The following IL1RAPL1 variants were observed in gnomAD, a reference collection of about 807,000 sequenced individuals.
The protein encoded by IL1RAPL1 is interleukin 1 receptor accessory protein like 1, also known as interleukin-1 receptor accessory protein-like 1.
A neutral mutation model predicts 48.4 loss-of-function variants in IL1RAPL1; 3 were observed. The ratio of observed to expected loss-of-function variants is 0.06; its 90% CI spans 0.03 to 0.16. The LOEUF (loss-of-function observed/expected upper bound fraction) is 0.16, where lower values mean the gene tolerates loss of function less well. Ranked by LOEUF, IL1RAPL1 falls within the 10% of genes least tolerant of loss-of-function variation. IL1RAPL1 has a pLI of 1.00. For missense variants in IL1RAPL1, 349 were observed against 530.6 expected (o/e 0.66, Z 3.36); for synonymous variants, 185 against 187.7 (o/e 0.99, Z 0.12).
At chrX:28,780,100 G>A (rs1381331419) in intron 1 of IL1RAPL1, among the ~76,000 whole-genome samples, 1 of 110,848 alleles carries the variant, frequency 9.0e-6, no homozygotes, top group African/African-American at 3.3e-5. Flanking sequence ...CTTTCTAGAT[G>A]TTCACTGTAT....
intron 6 of IL1RAPL1, among the ~76,000 whole-genome samples, chrX:29,732,955 C>T (rs1371034945): frequency 9.0e-6 from 1 of 111,193 alleles, no homozygotes; most frequent in African/African-American, 3.3e-5. Flanking sequence ...TTTTTCTCCC[C>T]TTTACTTTAA....
chrX:29,277,501 A>G (rs1932138161), intron 2 of IL1RAPL1, among the ~76,000 whole-genome samples: 1 of 112,249 alleles, frequency 8.9e-6, no homozygotes, highest in African/African-American at 3.2e-5. Flanking sequence ...ATAGACACAT[A>G]CAAGGAAGAG....
intron 2 of IL1RAPL1, among the ~76,000 whole-genome samples, chrX:28,950,562 C>T (rs758642894): frequency 1.2e-4 from 12 of 98,231 alleles, no homozygotes; most frequent in Admixed American, 4.6e-4. Context: ...TTGATTCTTC[C>T]TACCCATGAG....
At chrX:29,893,732 C>T (rs1932319440) in intron 6 of IL1RAPL1, among the ~76,000 whole-genome samples, 1 of 111,301 alleles carries the variant, frequency 9.0e-6, no homozygotes, top group Admixed American at 9.6e-5. Flanking sequence ...ATTGGTTTTG[C>T]AATATTGAGG....
rs187740482 is a variant in IL1RAPL1, at chrX:29,006,441, A to G, written c.82+217016A>G. The stretch of plus-strand genomic sequence containing the variant: ...AGGCAGGAGAATCACCTGAACCTGT[A>G]AGAGAGAGGTTGCAGTGAGCTGAGA... On this transcript the variant is annotated intron_variant, in intron 2 of 10. Transcript: ENST00000378993. Among the ~76,000 whole-genome samples the G allele has an allele frequency of 3.7e-5, 4 of 108,076 alleles. No individual in the cohort carries two copies. The Admixed American group carries it at 4.0e-4, about 11-fold the overall frequency. The allele number at this position is 108,076 out of a possible 115,157, so 93.9% of individuals were successfully genotyped here. A position where few individuals can be genotyped will look rare whatever the true frequency, so the allele number is the denominator to read the frequency against.
Position 29,400,596 on chromosome X carries a change from T to G in IL1RAPL1, c.703+1288T>G, listed in dbSNP as rs1933981417. 2.7e-5 allele frequency among the ~76,000 whole-genome samples: 3 copies of G among 112,129 alleles called. No homozygotes were observed. The South Asian group carries it at 1.1e-3, about 41-fold the overall frequency. On this transcript the variant is annotated intron_variant, in intron 5 of 10. Transcript: ENST00000378993. ...TATATAGAAAAGCATAAAAAGGACA[T>G]TAGCTGTTTTAAATTAAACAGAGTT...
intron 2 of IL1RAPL1, among the ~76,000 whole-genome samples, chrX:29,061,872 C>T (rs931856652): frequency 8.9e-6 from 1 of 112,236 alleles, no homozygotes; most frequent in African/African-American, 3.2e-5. Context: ...AAAACCAAAG[C>T]TAAACTGTTT....
At chrX:29,213,067 C>T (rs893205995) in intron 2 of IL1RAPL1, among the ~76,000 whole-genome samples, 6 of 111,544 alleles carry the variant, frequency 5.4e-5, no homozygotes, top group Admixed American at 1.9e-4. Context: ...GGCACAATCT[C>T]GGCTCACCGC....
intron 6 of IL1RAPL1, among the ~76,000 whole-genome samples, chrX:29,689,205 G>A (rs190614096): frequency 3.4e-4 from 38 of 111,530 alleles, no homozygotes; most frequent in African/African-American, 1.1e-3. Flanking sequence ...ATCTTTCTCC[G>A]TTAGTAGACA....
intron 5 of IL1RAPL1, among the ~76,000 whole-genome samples, chrX:29,632,553 T>G (rs1924814378): frequency 8.9e-6 from 1 of 111,974 alleles, no homozygotes; most frequent in Non-Finnish European, 1.9e-5. Context: ...AAATGTTTTA[T>G]GTTCATAAGA....
chrX:29,614,415 G>A (rs150614648), intron 5 of IL1RAPL1, among the ~76,000 whole-genome samples: 2 of 111,722 alleles, frequency 1.8e-5, no homozygotes, highest in East Asian at 2.8e-4. Context: ...AAAGTTATTC[G>A]TCTAAAATGA....
intron 1 of IL1RAPL1, among the ~76,000 whole-genome samples, chrX:28,777,701 G>A (rs776663798): frequency 1.8e-5 from 2 of 111,191 alleles, no homozygotes; most frequent in South Asian, 7.5e-4. Context: ...TTTATTGTTT[G>A]ATAAAGCTAA....
chrX:29,916,084 AT>A (rs1932798802), intron 6 of IL1RAPL1, among the ~76,000 whole-genome samples: 1 of 99,667 alleles, frequency 1.0e-5, no homozygotes, highest in Non-Finnish European at 2.0e-5. Context: ...TGAACTCATC[AT>A]TTTTTATGGC....
At chrX:29,803,170 T>G (rs1447160222) in intron 6 of IL1RAPL1, among the ~76,000 whole-genome samples, 1 of 75,321 alleles carries the variant, frequency 1.3e-5, no homozygotes, top group African/African-American at 5.2e-5. Context: ...CATACACATA[T>G]GCATACATAT....
At chrX:29,448,408 T>C (rs1360265049) in intron 5 of IL1RAPL1, among the ~76,000 whole-genome samples, 1 of 112,110 alleles carries the variant, frequency 8.9e-6, no homozygotes, top group Non-Finnish European at 1.9e-5. Context: ...AGATTGAGTA[T>C]AGTAGAGACT....
chrX:29,173,708 A>G (rs181824738), intron 2 of IL1RAPL1, among the ~76,000 whole-genome samples: 50 of 111,773 alleles, frequency 4.5e-4, no homozygotes, highest in South Asian at 7.5e-4. Context: ...ACTTCCATAG[A>G]GTAAGAGGAA....
chrX:29,420,653 A>C (rs1416542246), intron 5 of IL1RAPL1, among the ~76,000 whole-genome samples: 1 of 112,402 alleles, frequency 8.9e-6, no homozygotes, highest in Non-Finnish European at 1.9e-5. Context: ...TGTCTTCAGC[A>C]TTATTTAGCA....
intron 2 of IL1RAPL1, among the ~76,000 whole-genome samples, chrX:29,027,961 A>C (rs1416671498): frequency 1.8e-5 from 2 of 109,574 alleles, no homozygotes; most frequent in South Asian, 3.9e-4. Flanking sequence ...TATTATATAT[A>C]TATAAATGTA....
At chrX:29,866,007 T>C (rs939215837) in intron 6 of IL1RAPL1, among the ~76,000 whole-genome samples, 15 of 110,754 alleles carry the variant, frequency 1.4e-4, no homozygotes, top group Non-Finnish European at 2.3e-4. Context: ...TTTAAAAAGA[T>C]ATTTTGATGA....
Sources: allele counts gnomAD v4.1 joint callset (sites outside exome capture counted in the v4.1 genomes callset), GRCh38; gene constraint gnomAD v4.1.1; transcripts MANE v1.5; gene names NCBI Gene and HGNC (gene_info 2026-07-23, HGNC 2026-07-21).